Variants in RYR2 observed in about 807,000 individuals in gnomAD.
The protein encoded by RYR2 is ryanodine receptor 2, also known as cardiac muscle ryanodine receptor-calcium release channel.
In RYR2, 227 loss-of-function variants were observed where a neutral mutation model predicts 601.1. That is an observed-to-expected ratio of 0.38 (90% CI 0.34 to 0.42). The LOEUF is 0.42. RYR2 is among the 10% of genes least tolerant of loss of function. RYR2 has a pLI of 1.00. For synonymous variants in RYR2, 2,223 were observed against 2,175.1 expected, an observed-to-expected ratio of 1.02 and a Z score of -0.61; for missense variants, 4,646 against 6,156.5, an observed-to-expected ratio of 0.75 and a Z score of 8.21.
chr1:237,657,681 G>A (rs1683385008), intron 53 of RYR2, among the ~76,000 whole-genome samples: 1 of 150,868 alleles, frequency 6.6e-6, no homozygotes, highest in Non-Finnish European at 1.5e-5. Flanking sequence ...AATAATAATT[G>A]TTATTATAGT....
Position 237,445,420 on chromosome 1 carries a change from G to A in RYR2, c.1190G>A (p.Gly397Asp). 1 of 1,613,558 alleles carries A rather than the reference G, an allele frequency of 6.2e-7. No homozygotes were observed. The highest frequency in any genetic ancestry group is 1.3e-5 in the African/African-American group (1 of 74,980). ...TTACAGGCTATTATGCATCATGAAG[G>A]CCACATGGATGATGGCATAAGTTTG... ...IQRKAIMHHEGHMDDGISLSR... is the reference protein window; with the variant it reads ...IQRKAIMHHEDHMDDGISLSR... The change falls in exon 14 of 105, where the codon GGC becomes GAC. Residue 397 changes from glycine (G) to aspartate (D), a missense_variant. Gly to Asp is a moderately conservative substitution (Grantham distance 94). This residue lies in a region of RYR2 where 1,807 missense variants were observed against 2,088.1 expected (regional missense o/e 0.87). Transcript: ENST00000366574.
chr1:237,814,120 T>A (rs1661531512), intron 100 of RYR2, among the ~76,000 whole-genome samples: 1 of 152,216 alleles, frequency 6.6e-6, no homozygotes. Context: ...ACTTTTAATT[T>A]GCTTCTTACC....
At chr1:237,124,908 A>G (rs551237807) in intron 1 of RYR2, among the ~76,000 whole-genome samples, 4 of 152,320 alleles carry the variant, frequency 2.6e-5, no homozygotes, top group South Asian at 4.1e-4. Flanking sequence ...ACTTATGACA[A>G]TGACTGCTAT....
intron 61 of RYR2, among the ~76,000 whole-genome samples, chr1:237,679,840 C>A (rs924495892): frequency 2.6e-5 from 4 of 152,004 alleles, no homozygotes; most frequent in African/African-American, 9.7e-5. Flanking sequence ...GGGAAGAGCA[C>A]GCCAGACAGA....
chr1:237,546,993 A>ATATT (rs71180099), intron 25 of RYR2, among the ~76,000 whole-genome samples: 340 of 127,386 alleles, frequency 2.7e-3, no homozygotes, highest in African/African-American at 7.9e-3. Context: ...ATATATATAT[A>ATATT]TATTTATTTA....
At chr1:237,603,375 G>GAGGTGAACC (rs1426213431) in intron 35 of RYR2, among the ~76,000 whole-genome samples, 9 of 152,192 alleles carry the variant, frequency 5.9e-5, no homozygotes, top group African/African-American at 2.2e-4. Context: ...GGCAAGGCCA[G>GAGGTGAACC]AGGTGAAATA....
chr1:237,146,425 T>C (rs929229111), intron 1 of RYR2, among the ~76,000 whole-genome samples: 1 of 152,184 alleles, frequency 6.6e-6, no homozygotes, highest in Non-Finnish European at 1.5e-5. Flanking sequence ...TGCGTGGGAA[T>C]GCAGTTCCAA....
chr1:237,330,774 AC>A (rs944548988), intron 2 of RYR2, 103 bp from the exon 3 acceptor site: 2 of 818,392 alleles, frequency 2.4e-6, no homozygotes, highest in African/African-American at 3.4e-5. Context: ...TAGAAAGTTG[AC>A]AAATACTGTT....
chr1:237,632,154 G>A (rs1414338015), intron 42 of RYR2, among the ~76,000 whole-genome samples: 1 of 151,832 alleles, frequency 6.6e-6, no homozygotes, highest in African/African-American at 2.4e-5. Flanking sequence ...ATCTCATTTA[G>A]GGGATATTTA....
At chr1:237,712,861 A>T (rs1688958503) in intron 71 of RYR2, among the ~76,000 whole-genome samples, 1 of 152,214 alleles carries the variant, frequency 6.6e-6, no homozygotes. Context: ...TAAATATATT[A>T]CATGTGGTAA....
intron 1 of RYR2, among the ~76,000 whole-genome samples, chr1:237,173,287 G>A (rs1411627191): frequency 6.6e-6 from 1 of 152,148 alleles, no homozygotes; most frequent in Non-Finnish European, 1.5e-5. Context: ...ACTGGGGTTT[G>A]AAATTGAAGA....
At chr1:237,727,965 G>A (rs1044588401) in intron 76 of RYR2, among the ~76,000 whole-genome samples, 1 of 152,014 alleles carries the variant, frequency 6.6e-6, no homozygotes, top group Admixed American at 6.6e-5. Context: ...CTCAGAAACA[G>A]GACTCAGCTC....
rs1055253750 is a variant in RYR2 at position 237,723,109 on chromosome 1, C to T, written c.10555-19C>T. 1 of 1,597,034 alleles carries T rather than the reference C, an allele frequency of 6.3e-7. No individual in the cohort carries two copies. Among genetic ancestry groups the T allele is most frequent in the Non-Finnish European group, 8.5e-7 (1 of 1,173,398 alleles). On this transcript the variant is annotated intron_variant, in intron 73 of 104. Transcript: ENST00000366574. ...TAGATTCCCATCTTCCCATTGTAAC[C>T]TTTTCCTTTTTTCTGCAGTTGGAGG...
chr1:237,699,216 T>C (rs1354471600), intron 64 of RYR2, among the ~76,000 whole-genome samples, 191 bp downstream of exon 64: 1 of 152,128 alleles, frequency 6.6e-6, no homozygotes, highest in Non-Finnish European at 1.5e-5. Context: ...ATATATAGAT[T>C]ATTATTTAAT....
chr1:237,822,996 T>C (rs1301666930), intron 101 of RYR2, among the ~76,000 whole-genome samples: 1 of 152,190 alleles, frequency 6.6e-6, no homozygotes, highest in African/African-American at 2.4e-5. Context: ...ATCCTAAATA[T>C]ATATGCACCC....
Position 237,107,393 on chromosome 1 carries a change from C to T in RYR2, c.48+64824C>T, listed in dbSNP as rs546756850. ...AAAATTAGCTGGACGTGGTGGCGGG[C>T]GCCTGTAGTCCCAGCTACTCAGGAG... On this transcript the variant is annotated intron_variant, in intron 1 of 104. Coordinates refer to ENST00000366574, the MANE Select transcript of RYR2 (RefSeq NM_001035.3). Among the ~76,000 whole-genome samples, 660 of 151,002 alleles carry T rather than the reference C, an allele frequency of 4.4e-3. 4 individuals are homozygous for T. Among genetic ancestry groups the T allele is most frequent in the Non-Finnish European group, 6.6e-3 (449 of 67,682 alleles).
At chr1:237,591,034 T>A in intron 31 of RYR2, 42 bp downstream of exon 31, 1 of 1,555,984 alleles carries the variant, frequency 6.4e-7, no homozygotes, top group South Asian at 1.2e-5. Flanking sequence ...TGTAGTTATG[T>A]GAGGAAGGTT....
At chr1:237,598,908 A>T (rs1229361449) in intron 34 of RYR2, among the ~76,000 whole-genome samples, 1 of 152,214 alleles carries the variant, frequency 6.6e-6, no homozygotes, top group African/African-American at 2.4e-5. Flanking sequence ...AGACAAAGAA[A>T]GAGATGACTC....
At chr1:237,710,349 T>G (rs1051531899) in intron 70 of RYR2, among the ~76,000 whole-genome samples, 1 of 152,184 alleles carries the variant, frequency 6.6e-6, no homozygotes, top group Non-Finnish European at 1.5e-5. Context: ...ATCTGAGATA[T>G]CTTACCAGTT....
Sources: gnomAD v4.1 joint callset for allele counts (sites outside exome capture counted in the v4.1 genomes callset) on GRCh38, gnomAD v4.1.1 for gene constraint, gnomAD v4.1.1 regional missense constraint, MANE v1.5 for transcripts, NCBI Gene and HGNC (gene_info 2026-07-23, HGNC 2026-07-21) for gene names.